EPS8: variants seen among roughly 807,000 people sequenced by gnomAD.
EPS8 encodes the protein EGFR pathway substrate 8, signaling adaptor.
In EPS8, 42 loss-of-function variants were observed where a neutral mutation model predicts 103.8. That is an observed-to-expected ratio of 0.40 (90% CI 0.32 to 0.52). EPS8 has a LOEUF of 0.52. Ranked by LOEUF, EPS8 falls within the 20% of genes least tolerant of loss-of-function variation. The probability of loss-of-function intolerance (pLI) is 0.40; values close to 1 mark genes in which losing one functional copy is unlikely to be tolerated. For missense variants in EPS8, 969 were observed against 1,005.1 expected (o/e 0.96, Z 0.49); for synonymous variants, 344 against 344.6 (o/e 1.00, Z 0.02).
At chr12:15,656,074 A>G (rs1293589239) in intron 12 of EPS8, among the ~76,000 whole-genome samples, 2 of 152,246 alleles carry the variant, frequency 1.3e-5, no homozygotes, top group East Asian at 3.8e-4. Context: ...ACCAATTTGT[A>G]TATGTCAGGG....
intron 1 of EPS8, among the ~76,000 whole-genome samples, chr12:15,746,946 C>T (rs905975207): frequency 1.5e-4 from 23 of 152,148 alleles, no homozygotes; most frequent in Admixed American, 3.3e-4. Flanking sequence ...TGAACTCACC[C>T]TCCTTTCTTA....
intron 1 of EPS8, among the ~76,000 whole-genome samples, chr12:15,775,444 G>C (rs1229664779): frequency 6.6e-6 from 1 of 152,002 alleles, no homozygotes; most frequent in Non-Finnish European, 1.5e-5. Context: ...CTCATAAATA[G>C]CCAACGTTCC....
rs928733704 is a variant in EPS8, at chr12:15,735,895, T to A, written c.-21-52923A>T. ...ACAAAGACAAAGAGTTTGTGTTTTT[T>A]TGTGTTTTGTGACAGGGTCTTGCTC... On this transcript the variant is annotated intron_variant, in intron 1 of 20. Transcript: ENST00000281172. The surrounding 1 kb of genome is among the most constrained non-coding windows in gnomAD (Gnocchi z 4.4). 3.9e-5 allele frequency among the ~76,000 whole-genome samples: 6 copies of A among 152,160 alleles called. No homozygotes were observed. The highest frequency in any genetic ancestry group is 5.9e-5 in the Non-Finnish European group (4 of 68,030).
chr12:15,745,372 A>G lies in EPS8; in HGVS notation c.-22+43789T>C, dbSNP rs939970325. On this transcript the variant is annotated intron_variant, in intron 1 of 20. Transcript: ENST00000281172. This position sits in a 1 kb window ranked among gnomAD's most constrained non-coding sequence, Gnocchi z 4.6. Reference sequence around the variant, plus strand: ...GGCCCTCCCCGTTCCCATAAAAAACATCAATAATTTATCATTACACTCTTT... The same window carrying G: ...GGCCCTCCCCGTTCCCATAAAAAACGTCAATAATTTATCATTACACTCTTT... Among the ~76,000 whole-genome samples the G allele has an allele frequency of 6.6e-6, 1 of 152,208 alleles. No homozygotes were observed. Among genetic ancestry groups the G allele is most frequent in the African/African-American group, 2.4e-5 (1 of 41,454 alleles).
intron 15 of EPS8, among the ~76,000 whole-genome samples, chr12:15,644,426 G>A (rs1945284675): frequency 6.6e-6 from 1 of 152,032 alleles, no homozygotes; most frequent in Admixed American, 6.5e-5. Context: ...CAGGCGTGGT[G>A]GCTCACGCCT....
Position 15,665,839 on chromosome 12 carries a change from GGGGCAGGAGCTCT to G in EPS8, c.640_652del (p.Arg214LeufsTer44). On this transcript the variant is annotated frameshift_variant, in exon 8 of 21. Transcript: ENST00000281172. LOFTEE classifies it high-confidence loss of function. ...CTGGGTGACGGTCCCAGGGGGCGCA[GGGGCAGGAGCTCT>G]GGGTGGAGGCGGTATACTAGGGTCT... 6.2e-7 allele frequency: 1 copy of G among 1,613,898 alleles called. No individual in the cohort carries two copies. Among genetic ancestry groups the G allele is most frequent in the Non-Finnish European group, 8.5e-7 (1 of 1,179,914 alleles).
chr12:15,638,326 T>C (rs1945171560), intron 17 of EPS8, among the ~76,000 whole-genome samples: 1 of 152,028 alleles, frequency 6.6e-6, no homozygotes, highest in Non-Finnish European at 1.5e-5. Flanking sequence ...CCTTTTAGAG[T>C]AGGATTTATG....
At chr12:15,692,892 A>G (rs1946193845) in intron 1 of EPS8, among the ~76,000 whole-genome samples, 1 of 152,164 alleles carries the variant, frequency 6.6e-6, no homozygotes, top group African/African-American at 2.4e-5. Context: ...TTTTCTGATT[A>G]CAGTATATTC....
chr12:15,624,186 T>C, intron 19 of EPS8, 41 bp downstream of exon 19: 2 of 1,520,640 alleles, frequency 1.3e-6, no homozygotes, highest in Non-Finnish European at 1.8e-6. Context: ...ACAATGCATG[T>C]TGTACACACA....
At chr12:15,705,103 C>T (rs1287596817) in intron 1 of EPS8, among the ~76,000 whole-genome samples, 2 of 152,090 alleles carry the variant, frequency 1.3e-5, no homozygotes, top group East Asian at 1.9e-4. Context: ...AAAAAAAGCT[C>T]GCTGGTCTAG....
chr12:15,770,215 G>A (rs543987235), intron 1 of EPS8, among the ~76,000 whole-genome samples: 1 of 148,674 alleles, frequency 6.7e-6, no homozygotes, highest in Non-Finnish European at 1.5e-5. Context: ...CTTGAGCCTA[G>A]GAGCTCGAGG....
chr12:15,739,443 A>T (rs995419107), intron 1 of EPS8, among the ~76,000 whole-genome samples: 1 of 151,816 alleles, frequency 6.6e-6, no homozygotes, highest in Non-Finnish European at 1.5e-5. Flanking sequence ...CCTGGGGAGG[A>T]GGATCTGCTG....
intron 1 of EPS8, chr12:15,683,789 C>A (rs1946048944): frequency 6.6e-6 from 1 of 152,066 alleles, no homozygotes; most frequent in East Asian, 1.9e-4. Flanking sequence ...CAATTTGTTT[C>A]TTTTCACTCC....
chr12:15,663,944 A>AATAATAATAAT (rs869135353), intron 8 of EPS8, among the ~76,000 whole-genome samples: 63 of 85,954 alleles, frequency 7.3e-4, no homozygotes, highest in South Asian at 4.0e-3. Context: ...AAAAAAAAAA[A>AATAATAATAAT]AATAATATAT....
Position 15,716,350 on chromosome 12 carries a change from A to C in EPS8, c.-21-33378T>G, listed in dbSNP as rs1487267554. ...TCAGTAAAGATGATAATGAAGTCTTATGAAAGGCTAATCTGGCACAGACTG... is the reference window on the plus strand; with the variant it reads ...TCAGTAAAGATGATAATGAAGTCTTCTGAAAGGCTAATCTGGCACAGACTG... On this transcript the variant is annotated intron_variant, in intron 1 of 20. Coordinates refer to ENST00000281172, the MANE Select transcript of EPS8 (RefSeq NM_004447.6). The surrounding 1 kb of genome is among the most constrained non-coding windows in gnomAD (Gnocchi z 5.0). Among the ~76,000 whole-genome samples, 1 of 152,182 alleles carries C rather than the reference A, an allele frequency of 6.6e-6. No homozygotes were observed. The highest frequency in any genetic ancestry group is 6.5e-5 in the Admixed American group (1 of 15,280).
In EPS8 at chr12:15,784,360, T is replaced by C. The variant is rs1020735548; in HGVS notation, c.-22+4801A>G. On this transcript the variant is annotated intron_variant, in intron 1 of 20. Transcript: ENST00000281172. The surrounding 1 kb of genome is among the most constrained non-coding windows in gnomAD (Gnocchi z 4.0). ...AACAGCCATCACACCACAGAAGATG[T>C]ACAGATGAAAAGGGGTATGTGAAAA... 3.3e-5 allele frequency among the ~76,000 whole-genome samples: 5 copies of C among 152,072 alleles called. No homozygotes were observed. The highest frequency in any genetic ancestry group is 1.2e-4 in the African/African-American group (5 of 41,432).
At chr12:15,782,658 T>G (rs983929057) in intron 1 of EPS8, among the ~76,000 whole-genome samples, 4 of 152,128 alleles carry the variant, frequency 2.6e-5, no homozygotes, top group African/African-American at 9.7e-5. Context: ...ACCATAAAAT[T>G]TATTAGAAAA....
At chr12:15,683,017 A>C in intron 1 of EPS8, 45 bp from the exon 2 acceptor site, 2 of 982,520 alleles carry the variant, frequency 2.0e-6, no homozygotes, top group South Asian at 3.0e-5. Context: ...AAAAAGGTCA[A>C]GACATCTCAG....
At chr12:15,625,823 C>T (rs1240430656) in intron 18 of EPS8, among the ~76,000 whole-genome samples, 2 of 152,164 alleles carry the variant, frequency 1.3e-5, no homozygotes, top group African/African-American at 2.4e-5. Flanking sequence ...TCTGCCAGCA[C>T]TACCTCCATC....
Sources: allele counts gnomAD v4.1 joint callset (sites outside exome capture counted in the v4.1 genomes callset), GRCh38; gene constraint gnomAD v4.1.1; non-coding constraint Gnocchi (gnomAD v3.1); transcripts MANE v1.5; gene names NCBI Gene and HGNC (gene_info 2026-07-23, HGNC 2026-07-21).